Variants in CFAP74 observed in about 807,000 individuals in gnomAD.
CFAP74 encodes the protein cilia- and flagella-associated protein 74.
CFAP74 carries 124 observed loss-of-function variants against 188.9 expected under a neutral mutation model. The observed-to-expected ratio is 0.66, with a 90% CI of 0.57 to 0.76. CFAP74 has a LOEUF of 0.76. CFAP74 is among the 30% of genes least tolerant of loss of function. CFAP74 has a pLI of 0.00. For missense variants in CFAP74, 2,198 were observed against 2,165.2 expected (o/e 1.02, Z -0.30); for synonymous variants, 956 against 916.7 (o/e 1.04, Z -0.77).
chr1:1,991,980 C>T (rs1028788584), intron 1 of CFAP74, among the ~76,000 whole-genome samples: 2 of 151,098 alleles, frequency 1.3e-5, no homozygotes, highest in East Asian at 3.9e-4. Flanking sequence ...GCGGAGCTTG[C>T]AGTGAGCCGA....
chr1:1,950,962 T>C (rs953230083), intron 18 of CFAP74, among the ~76,000 whole-genome samples: 8 of 152,212 alleles, frequency 5.3e-5, no homozygotes, highest in Admixed American at 5.2e-4. Context: ...AGGTACATCA[T>C]CTATTTTGAG....
rs900051517 is a variant in CFAP74, at chr1:1,930,357, G to A, written c.3012-21C>T. On this transcript the variant is annotated intron_variant, in intron 25 of 38. Transcript: ENST00000682832. ...AGCACCTGCAAGCAGCAGCATGGGA[G>A]GCCCTCAGCCGTGCAGGGCGTCCGT... 1.0e-5 allele frequency: 15 copies of A among 1,505,146 alleles called. No individual in the cohort carries two copies. In the East Asian group the frequency reaches 3.2e-4, roughly 32 times the overall value. 93.2% of individuals were successfully genotyped at this position (1,505,146 alleles called of 1,614,324 possible).
chr1:1,960,124 G>T (rs1654974242), intron 14 of CFAP74, 94 bp from the exon 15 acceptor site: 2 of 1,088,564 alleles, frequency 1.8e-6, no homozygotes, highest in East Asian at 2.8e-5. Flanking sequence ...GGGCCTCCTG[G>T]CCTCCTCCCC....
chr1:1,923,774 C>G lies in CFAP74; in HGVS notation c.4389+1G>C. ...CTGAGCTTGCAGAGCCAGAGCCGCA[C>G]CTTTTCAAAGAGCACCACCTGGAGC... On this transcript the variant is annotated splice_donor_variant, in intron 35 of 38. Coordinates refer to ENST00000682832, the MANE Select transcript of CFAP74 (RefSeq NM_001304360.2). LOFTEE classifies it high-confidence loss of function. The surrounding 1 kb of genome is among the most constrained non-coding windows in gnomAD (Gnocchi z 6.3). 6.2e-7 allele frequency: 1 copy of G among 1,613,290 alleles called. No homozygotes were observed. The highest frequency in any genetic ancestry group is 8.5e-7 in the Non-Finnish European group (1 of 1,179,850).
intron 9 of CFAP74, among the ~76,000 whole-genome samples, chr1:1,971,143 G>A (rs954061885): frequency 9.1e-5 from 12 of 131,864 alleles, no homozygotes; most frequent in South Asian, 2.5e-4. Flanking sequence ...ACACATGCTC[G>A]CACATGCACA....
At chr1:1,951,022 G>C (rs986344914) in intron 18 of CFAP74, among the ~76,000 whole-genome samples, 5 of 152,058 alleles carry the variant, frequency 3.3e-5, no homozygotes, top group African/African-American at 1.2e-4. Flanking sequence ...ACTGGAGGGG[G>C]GTGTATTAGT....
intron 18 of CFAP74, chr1:1,955,107 C>G: frequency 7.8e-7 from 1 of 1,286,262 alleles, no homozygotes; most frequent in Non-Finnish European, 1.0e-6. Context: ...GGAGAACCGG[C>G]CCAGCTCCGC....
chr1:1,935,445 GGT>G (rs1253525925), intron 25 of CFAP74, among the ~76,000 whole-genome samples: 1 of 95,580 alleles, frequency 1.0e-5, no homozygotes, highest in Non-Finnish European at 2.2e-5. Flanking sequence ...TGTGTACGTG[GGT>G]GTTAGGTTGT....
intron 10 of CFAP74, among the ~76,000 whole-genome samples, chr1:1,969,154 A>AGCCCAGTCCTGCTCAGTCCT (rs1246343527): frequency 6.7e-6 from 1 of 149,000 alleles, no homozygotes; most frequent in Non-Finnish European, 1.5e-5. Context: ...ATCCCTGCCA[A>AGCCCAGTCCTGCTCAGTCCT]GCCCAGTCCT....
In CFAP74 at chr1:1,958,538, G is replaced by A. The variant is rs192340745; in HGVS notation, c.1851+582C>T. Among the ~76,000 whole-genome samples, 698 of 152,344 alleles carry A rather than the reference G, an allele frequency of 4.6e-3. 9 individuals carry two copies. Among genetic ancestry groups the A allele is most frequent in the African/African-American group, 0.016 (679 of 41,584 alleles). On this transcript the variant is annotated intron_variant, in intron 16 of 38. Transcript: ENST00000682832. ...GCTGACCAATTACTCGGCGGGGGCC[G>A]GGGGGACAATGATGTGTGGGTTCCT... is the stretch of plus-strand genomic sequence containing the variant.
chr1:1,927,396 G>A, intron 28 of CFAP74: 1 of 595,140 alleles, frequency 1.7e-6, no homozygotes, highest in East Asian at 2.8e-5. Context: ...GTGGATTGAG[G>A]CTGTGTGCAG....
chr1:1,993,186 G>A (rs1657695159), intron 1 of CFAP74, among the ~76,000 whole-genome samples: 1 of 141,378 alleles, frequency 7.1e-6, no homozygotes, highest in Non-Finnish European at 1.5e-5. Context: ...GGGCGACAGG[G>A]GAAGACTGTC....
In CFAP74 at chr1:1,934,601, GTA is replaced by G. The variant is rs1433458337; in HGVS notation, c.3011+4252_3011+4253del. Among the ~76,000 whole-genome samples, 175 of 150,924 alleles carry G rather than the reference GTA, an allele frequency of 1.2e-3. 1 individual carries two copies. Among genetic ancestry groups the G allele is most frequent in the African/African-American group, 3.8e-3 (157 of 40,964 alleles). On this transcript the variant is annotated intron_variant, in intron 25 of 38. Transcript: ENST00000682832. ...GGTGTTAGGTTATAGGTACACGTGT[GTA>G]TGTGTGTGTGTTAGGTTGTAGGTAC...
intron 18 of CFAP74, chr1:1,955,403 C>T: frequency 7.0e-7 from 1 of 1,418,546 alleles, no homozygotes. Context: ...ACCGCAGAGC[C>T]TCTTCCCCGC....
chr1:1,975,095 C>T lies in CFAP74; in HGVS notation c.501-897G>A, dbSNP rs866868952. On this transcript the variant is annotated intron_variant, in intron 6 of 38. Transcript: ENST00000682832. This position sits in a 1 kb window ranked among gnomAD's most constrained non-coding sequence, Gnocchi z 4.5. ...TCCTCACTGCATTGCTGACATTCCACGTGACGTGTGCCACAGCTCTGTCCT... is the reference window on the plus strand; with the variant it reads ...TCCTCACTGCATTGCTGACATTCCATGTGACGTGTGCCACAGCTCTGTCCT... Among the ~76,000 whole-genome samples, 5 of 152,346 alleles carry T rather than the reference C, an allele frequency of 3.3e-5. No homozygotes were observed. Among genetic ancestry groups the T allele is most frequent in the African/African-American group, 9.6e-5 (4 of 41,578 alleles).
chr1:2,002,096 G>GACT (rs553671269), intron 1 of CFAP74, among the ~76,000 whole-genome samples: 2 of 152,152 alleles, frequency 1.3e-5, no homozygotes, highest in Non-Finnish European at 2.9e-5. Flanking sequence ...CCTGACTCGG[G>GACT]CCATGTGTGG....
chr1:1,942,106 G>T lies in CFAP74; in HGVS notation c.2537C>A (p.Ala846Asp), dbSNP rs1380061587. 1.3e-6 allele frequency: 2 copies of T among 1,532,146 alleles called. No homozygotes were observed. Among genetic ancestry groups the T allele is most frequent in the Admixed American group, 2.0e-5 (1 of 50,248 alleles). The allele number at this position is 1,532,146 out of a possible 1,614,324, so 94.9% of individuals were successfully genotyped here. A position where few individuals can be genotyped will look rare whatever the true frequency, so the allele number is the denominator to read the frequency against. Residue 846 changes from alanine (A) to aspartate (D), a missense_variant, in exon 22 of 39, where the codon GCC becomes GAC. Ala to Asp is a moderately radical substitution (Grantham distance 126, BLOSUM62 -2). Coordinates refer to ENST00000682832, the MANE Select transcript of CFAP74 (RefSeq NM_001304360.2). The surrounding 1 kb of genome is among the most constrained non-coding windows in gnomAD (Gnocchi z 4.3). ...LKFEVCKELR[A>D]HLELLPKTGY... ...TGTCTTGGGCAGGAGCTCCAGGTGG[G>T]CCCTCAGCTCCTTGCACACCTCGAA...
chr1:1,943,667 T>C (rs1427517580), intron 21 of CFAP74, among the ~76,000 whole-genome samples: 1 of 152,238 alleles, frequency 6.6e-6, no homozygotes, highest in African/African-American at 2.4e-5. Flanking sequence ...TCACCCTGCC[T>C]GTGTCCACGA....
intron 18 of CFAP74, chr1:1,955,238 G>A: frequency 7.7e-7 from 1 of 1,290,572 alleles, no homozygotes; most frequent in East Asian, 5.5e-5. Flanking sequence ...GGAGACGCAA[G>A]CGATTCCCGA....
Sources: allele counts gnomAD v4.1 joint callset (sites outside exome capture counted in the v4.1 genomes callset), GRCh38; gene constraint gnomAD v4.1.1; non-coding constraint Gnocchi (gnomAD v3.1); transcripts MANE v1.5; gene names NCBI Gene and HGNC (gene_info 2026-07-23, HGNC 2026-07-21).